The following BCAR1 variants were observed in gnomAD, a reference collection of about 807,000 sequenced individuals.
BCAR1 encodes the protein breast cancer anti-estrogen resistance protein 1.
In BCAR1, 30 loss-of-function variants were observed where a neutral mutation model predicts 67.6. That is an observed-to-expected ratio of 0.44 (90% CI 0.33 to 0.60). The LOEUF is 0.60. Ranked by LOEUF, BCAR1 falls within the 20% of genes least tolerant of loss-of-function variation. BCAR1 has a pLI of 0.02. For synonymous variants in BCAR1, 626 were observed against 556.7 expected (o/e 1.12, Z -1.75); for missense variants, 1,313 against 1,222.3 (o/e 1.07, Z -1.11).
rs756270886 is a variant in BCAR1, at chr16:75,235,153, G to A, written c.1746C>T (p.Cys582=). The A allele has an allele frequency of 7.5e-6, 12 of 1,608,662 alleles. No homozygotes were observed. Among genetic ancestry groups the A allele is most frequent in the Non-Finnish European group, 1.0e-5 (12 of 1,179,896 alleles). ...TGGCGTCCTCGGGCACAGCCCGCGA[G>A]CAGGCCACCAGCCGGTCCAGGTCCT... ...TLEDLDRLVA[C]SRAVPEDAKQ... The change falls in exon 5 of 7, where the codon TGC becomes TGT. Residue 582 remains cysteine (C), a synonymous_variant. Transcript: ENST00000162330.
chr16:75,244,240 G>A (rs771379983), intron 1 of BCAR1, among the ~76,000 whole-genome samples: 5 of 152,248 alleles, frequency 3.3e-5, no homozygotes, highest in African/African-American at 4.8e-5. Flanking sequence ...ACTCTGACTC[G>A]GAAATGGGAC....
intron 1 of BCAR1, among the ~76,000 whole-genome samples, chr16:75,261,003 ATAAAT>A (rs2077896110): frequency 6.6e-6 from 1 of 152,170 alleles, no homozygotes; most frequent in African/African-American, 2.4e-5. Context: ...GGCTTAAATA[ATAAAT>A]TAAAATGACT....
chr16:75,230,420 C>T (rs2151387135), intron 6 of BCAR1, among the ~76,000 whole-genome samples: 1 of 152,258 alleles, frequency 6.6e-6, no homozygotes, highest in Middle Eastern at 3.4e-3. Flanking sequence ...TTTGCAACTT[C>T]CTGTGAATCT....
chr16:75,264,143 CTT>C (rs1269037214), intron 1 of BCAR1: 17 of 1,306,602 alleles, frequency 1.3e-5, no homozygotes, highest in African/African-American at 7.4e-5. Context: ...CTGTTCCTCT[CTT>C]GTTACAGATG....
Position 75,235,547 on chromosome 16 carries a change from C to T in BCAR1, c.1352G>A (p.Arg451Gln), listed in dbSNP as rs370171013. ...ASSLEVAGPGREPLELEVAVE... is the reference protein window; with the variant it reads ...ASSLEVAGPGQEPLELEVAVE... ...AGCAACTTCCAGCTCCAGGGGTTCC[C>T]GGCCCGGCCCTGCCACCTCCAAGGA... The change falls in exon 5 of 7, where the codon CGG becomes CAG. Residue 451 changes from arginine to glutamine, a missense_variant. Arg to Gln is a conservative substitution (Grantham distance 43). Coordinates refer to ENST00000162330, the MANE Select transcript of BCAR1 (RefSeq NM_014567.5). 159 of 1,593,398 alleles carry T rather than the reference C, an allele frequency of 1.0e-4. No individual in the cohort carries two copies. The highest frequency in any genetic ancestry group is 1.2e-4 in the Non-Finnish European group (138 of 1,170,738).
At chr16:75,238,405 C>T (rs1162436047) in intron 2 of BCAR1, 1 of 1,065,502 alleles carries the variant, frequency 9.4e-7, no homozygotes, top group Non-Finnish European at 1.1e-6. Flanking sequence ...CTCAGGGCCT[C>T]CCCGCACATC....
In BCAR1 at chr16:75,235,104, C is replaced by A. The variant is rs750919906; in HGVS notation, c.1795G>T (p.Gly599Cys). Reference protein sequence around the residue: ...DAKQLASFLHGNASLLFRRTK... With the variant: ...DAKQLASFLHCNASLLFRRTK... ...CGTCTGAAGAGCAGTGAGGCATTGC[C>A]GTGCAGGAAGGAGGCCAGCTGCTTG... Residue 599 changes from glycine to cysteine, a missense_variant, in exon 5 of 7, where the codon GGC (glycine) becomes TGC (cysteine). By Grantham distance (159) the Gly-to-Cys change is radical. Around this residue, in one of 2 missense-constraint regions of BCAR1, gnomAD observed 1,272 missense variants for 1,137.5 expected, o/e 1.12. Coordinates refer to ENST00000162330, the MANE Select transcript of BCAR1 (RefSeq NM_014567.5). 5 of 1,611,926 alleles carry A rather than the reference C, an allele frequency of 3.1e-6. No individual in the cohort carries two copies. Among genetic ancestry groups the A allele is most frequent in the Non-Finnish European group, 4.2e-6 (5 of 1,180,008 alleles).
At chr16:75,242,146 G>C (rs1428194080) in intron 2 of BCAR1, among the ~76,000 whole-genome samples, 2 of 152,192 alleles carry the variant, frequency 1.3e-5, no homozygotes, top group African/African-American at 4.8e-5. Flanking sequence ...CCTTGCGGGG[G>C]CCCAGCAACT....
At chr16:75,253,650 C>A (rs2077721477), upstream of BCAR1, among the ~76,000 whole-genome samples, 2 of 152,060 alleles carry the variant, frequency 1.3e-5, no homozygotes, top group Non-Finnish European at 2.9e-5. Flanking sequence ...TAAATTCCCT[C>A]CCCCAAAAGC....
chr16:75,264,076 T>C, intron 1 of BCAR1: 5 of 1,242,384 alleles, frequency 4.0e-6, no homozygotes, highest in Non-Finnish European at 5.0e-6. Context: ...CGTGATGGTG[T>C]GGCCAGGCTG....
chr16:75,249,517 T>G (rs1014038013), intron 1 of BCAR1: 3 of 152,280 alleles, frequency 2.0e-5, no homozygotes, highest in African/African-American at 7.2e-5. Flanking sequence ...CCCAGTGTCT[T>G]TGCTGGAGAA....
intron 1 of BCAR1, chr16:75,250,574 T>A (rs563506229): frequency 1.1e-6 from 1 of 930,044 alleles, no homozygotes; most frequent in Non-Finnish European, 1.3e-6. Flanking sequence ...GGAGCTGCTG[T>A]CCCCGATCTG....
In BCAR1 at chr16:75,263,611, C is replaced by T. The variant is rs1220763569; in HGVS notation, c.66+4304G>A. Reference sequence around the variant, plus strand: ...CCCCAACACTCAGGGGGTCGCTACCCGCACAACCAGCCCACCAATCTCTCA... The same window carrying T: ...CCCCAACACTCAGGGGGTCGCTACCTGCACAACCAGCCCACCAATCTCTCA... On this transcript the variant is annotated intron_variant, in intron 1 of 6. Coordinates refer to the BCAR1 transcript ENST00000393422. 10 of 985,292 alleles carry T rather than the reference C, an allele frequency of 1.0e-5. No homozygotes were observed. The South Asian group carries it at 2.3e-4, about 23-fold the overall frequency. 61.0% of individuals were successfully genotyped at this position (985,292 alleles called of 1,614,324 possible).
At chr16:75,267,767 G>C in intron 1 of BCAR1, 1 of 807,968 alleles carries the variant, frequency 1.2e-6, no homozygotes, top group Non-Finnish European at 1.9e-6. Flanking sequence ...ACAGGGAAAG[G>C]AGAGCCCAAG....
chr16:75,242,260 C>G (rs888078198), intron 2 of BCAR1, among the ~76,000 whole-genome samples: 1 of 152,218 alleles, frequency 6.6e-6, no homozygotes, highest in Non-Finnish European at 1.5e-5. Flanking sequence ...CTGAGGCCAG[C>G]GGAGCATCTC....
At chr16:75,258,154 C>T (rs79187316) in intron 1 of BCAR1, among the ~76,000 whole-genome samples, 3,047 of 152,348 alleles carry the variant, frequency 0.02, 104 homozygotes, top group African/African-American at 0.07. Context: ...GGCGCACCTT[C>T]CCTTGGCCTA....
chr16:75,250,716 C>G, intron 1 of BCAR1: 4 of 985,536 alleles, frequency 4.1e-6, no homozygotes, highest in Non-Finnish European at 3.6e-6. Context: ...GAGCTCCGAC[C>G]CTGCTCTAGC....
chr16:75,263,941 G>A (rs1476763331), intron 1 of BCAR1: 3 of 1,110,040 alleles, frequency 2.7e-6, no homozygotes, highest in African/African-American at 1.6e-5. Flanking sequence ...GGTCCCAGGA[G>A]AGAGAGCCAC....
intron 6 of BCAR1, among the ~76,000 whole-genome samples, 156 bp downstream of exon 6, chr16:75,233,690 G>T (rs2076980494): frequency 6.6e-6 from 1 of 152,154 alleles, no homozygotes; most frequent in African/African-American, 2.4e-5. Flanking sequence ...AGATGAAGAT[G>T]GTCAGGAGGC....
Sources: allele counts gnomAD v4.1 joint callset (sites outside exome capture counted in the v4.1 genomes callset), GRCh38; gene constraint gnomAD v4.1.1; regional missense constraint gnomAD v4.1.1; transcripts MANE v1.5; gene names NCBI Gene and HGNC (gene_info 2026-07-23, HGNC 2026-07-21).